GLG1: variants seen among roughly 807,000 people sequenced by gnomAD.
The protein encoded by GLG1 is Golgi apparatus protein 1.
GLG1 carries 38 observed loss-of-function variants against 160.5 expected under a neutral mutation model. That is an observed-to-expected ratio of 0.24 (90% CI 0.18 to 0.31). The LOEUF is 0.31. Among genes scored for constraint, GLG1 ranks in the 10% least tolerant of loss-of-function variants. The pLI is 1.00. For synonymous variants in GLG1, 644 were observed against 543.4 expected, an observed-to-expected ratio of 1.19 and a Z score of -2.57; for missense variants, 1,373 against 1,505.2, an observed-to-expected ratio of 0.91 and a Z score of 1.45.
At chr16:74,567,270 G>C (rs1375699740) in intron 1 of GLG1, among the ~76,000 whole-genome samples, 1 of 151,830 alleles carries the variant, frequency 6.6e-6, no homozygotes, top group South Asian at 2.1e-4. Context: ...TTGTTTTGTT[G>C]GTAGGAGGAA....
At chr16:74,481,602 T>C (rs773613901) in intron 10 of GLG1, among the ~76,000 whole-genome samples, 1 of 152,230 alleles carries the variant, frequency 6.6e-6, no homozygotes, top group South Asian at 2.1e-4. Context: ...TCTGTAGTCC[T>C]TTCCAGAGCT....
chr16:74,585,310 G>C (rs1958024008), intron 1 of GLG1, among the ~76,000 whole-genome samples: 1 of 152,162 alleles, frequency 6.6e-6, no homozygotes, highest in Non-Finnish European at 1.5e-5. Flanking sequence ...TCGGGAGACT[G>C]AGGCACGAGA....
intron 11 of GLG1, among the ~76,000 whole-genome samples, chr16:74,478,603 CT>C (rs538737283): frequency 2.0e-5 from 3 of 152,080 alleles, no homozygotes; most frequent in Non-Finnish European, 2.9e-5. Context: ...CTAAATGTCA[CT>C]GAATTTTTCT....
At chr16:74,534,250 T>G (rs1199394141) in intron 1 of GLG1, among the ~76,000 whole-genome samples, 1 of 151,982 alleles carries the variant, frequency 6.6e-6, no homozygotes, top group Non-Finnish European at 1.5e-5. Flanking sequence ...CGACCTAGCT[T>G]AACTCTGTTC....
chr16:74,547,445 T>C (rs1338565706), intron 1 of GLG1, among the ~76,000 whole-genome samples: 1 of 152,254 alleles, frequency 6.6e-6, no homozygotes, highest in South Asian at 2.1e-4. Flanking sequence ...CATCTGTGTA[T>C]TGGCTTAAGG....
intron 1 of GLG1, among the ~76,000 whole-genome samples, chr16:74,554,416 C>A (rs1282196121): frequency 1.3e-5 from 2 of 152,082 alleles, no homozygotes; most frequent in Non-Finnish European, 2.9e-5. Flanking sequence ...CGCCTGTAAC[C>A]CCAGGTACTC....
At chr16:74,592,349 G>A (rs1307406697) in intron 1 of GLG1, among the ~76,000 whole-genome samples, 1 of 152,032 alleles carries the variant, frequency 6.6e-6, no homozygotes, top group Admixed American at 6.6e-5. Context: ...CCCCCATGTT[G>A]CCCAGGCTGT....
At chr16:74,467,917 T>G (rs1197819735) in intron 17 of GLG1, 69 bp from the exon 18 acceptor site, 1 of 1,020,836 alleles carries the variant, frequency 9.8e-7, no homozygotes, top group Non-Finnish European at 1.5e-6. Flanking sequence ...TTCTGGAGAC[T>G]TATTTGTTGA....
intron 2 of GLG1, among the ~76,000 whole-genome samples, chr16:74,513,828 A>G (rs1428665340): frequency 1.3e-5 from 2 of 152,182 alleles, no homozygotes; most frequent in East Asian, 3.9e-4. Flanking sequence ...AAGGTCGGTA[A>G]TAACAAACTT....
intron 3 of GLG1, among the ~76,000 whole-genome samples, chr16:74,507,378 A>C (rs559081925): frequency 7.2e-5 from 11 of 152,318 alleles, no homozygotes; most frequent in South Asian, 2.1e-4. Context: ...ATGGGACACA[A>C]AATGGGGCAA....
rs753021725 is a variant in GLG1 at position 74,503,690 on chromosome 16, C to T, written c.615G>A (p.Val205=). ...ACTCAGTGATGTTGCCTCGGTGATC[C>T]ACCAAGCAGGAAACCATGTAACCTT... ...VGKGYMVSCL[V]DHRGNITEYQ... is the part of the protein sequence containing the mutation. Residue 205 remains valine, a synonymous_variant, in exon 4 of 26, where the codon GTG becomes GTA. Transcript: ENST00000422840. 82 of 1,613,326 alleles carry T rather than the reference C, an allele frequency of 5.1e-5. 1 individual carries two copies. The South Asian group carries it at 7.2e-4, about 14-fold the overall frequency.
chr16:74,508,332 TA>T (rs915291661), intron 3 of GLG1, among the ~76,000 whole-genome samples: 15 of 146,714 alleles, frequency 1.0e-4, no homozygotes, highest in African/African-American at 2.0e-4. Context: ...AAAAAACCGT[TA>T]AAAAAAAAAG....
intron 2 of GLG1, among the ~76,000 whole-genome samples, chr16:74,509,303 C>G (rs987018707): frequency 1.3e-5 from 2 of 149,444 alleles, no homozygotes; most frequent in Non-Finnish European, 3.0e-5. Flanking sequence ...TTTTTTAGAG[C>G]TATAAATTAA....
chr16:74,450,028 C>G lies in GLG1; in HGVS notation c.*3139G>C, dbSNP rs768516207. On this transcript the variant is annotated 3_prime_UTR_variant, in exon 26 of 26. Transcript: ENST00000422840. ...CCCCAGAGCCTCCAGCCTGGCAGTC[C>G]GGGCTCCAGGTACCTCTAGAGGGCT... is the stretch of plus-strand genomic sequence containing the variant. 1 of 152,364 alleles carries G rather than the reference C, an allele frequency of 6.6e-6. No homozygotes were observed. The highest frequency in any genetic ancestry group is 1.5e-5 in the Non-Finnish European group (1 of 68,184). 9.4% of individuals were successfully genotyped at this position (152,364 alleles called of 1,614,324 possible).
At chr16:74,544,795 C>T (rs147069534) in intron 1 of GLG1, among the ~76,000 whole-genome samples, 16 of 152,158 alleles carry the variant, frequency 1.1e-4, no homozygotes, top group African/African-American at 3.6e-4. Flanking sequence ...CCACCGCGCC[C>T]GGCCATTATT....
At chr16:74,519,946 T>C (rs376065548) in intron 2 of GLG1, among the ~76,000 whole-genome samples, 2 of 152,214 alleles carry the variant, frequency 1.3e-5, no homozygotes, top group African/African-American at 4.8e-5. Flanking sequence ...ATTCACATTA[T>C]TGACTATGTA....
rs371816999 is a variant in GLG1, at chr16:74,529,361, T to C, written c.471+2760A>G. 2.6e-5 allele frequency among the ~76,000 whole-genome samples: 4 copies of C among 152,290 alleles called. No homozygotes were observed. The South Asian group carries it at 6.2e-4, about 24-fold the overall frequency. On this transcript the variant is annotated intron_variant, in intron 2 of 25. Transcript: ENST00000422840. ...TTACATTTAGTCCAAAAATGTCTAA[T>C]TGATTTTCTTAATAAAGACTAATTC...
In GLG1 at chr16:74,480,304, A is replaced by C; in HGVS notation, c.1764T>G (p.Pro588=). ...HGWNETSEFM[P]QGAVFSCLYR... Reference sequence around the variant, plus strand: ...ATAAACAAGAGAACACAGCTCCCTGAGGCATAAATTCACTGGTCTCATTCC... The same window carrying C: ...ATAAACAAGAGAACACAGCTCCCTGCGGCATAAATTCACTGGTCTCATTCC... The change falls in exon 11 of 26, where the codon CCT becomes CCG. Residue 588 remains proline, a synonymous_variant. Transcript: ENST00000422840. The C allele has an allele frequency of 6.2e-7, 1 of 1,613,250 alleles. No individual in the cohort carries two copies. Among genetic ancestry groups the C allele is most frequent in the Non-Finnish European group, 8.5e-7 (1 of 1,179,148 alleles).
chr16:74,449,962 T>A lies in GLG1; in HGVS notation c.*3205A>T, dbSNP rs1487466710. 2.0e-5 allele frequency: 3 copies of A among 152,254 alleles called. No homozygotes were observed. The highest frequency in any genetic ancestry group is 4.4e-5 in the Non-Finnish European group (3 of 68,074). The allele number at this position is 152,254 out of a possible 1,614,324, so 9.4% of individuals were successfully genotyped here. ...GAGAAGCTCCATTGTGAACAGTTCG[T>A]CTTGTTCTTAATAGTTTGCCCAGAC... On this transcript the variant is annotated 3_prime_UTR_variant, in exon 26 of 26. Transcript: ENST00000422840.
Sources: allele counts gnomAD v4.1 joint callset (sites outside exome capture counted in the v4.1 genomes callset), GRCh38; gene constraint gnomAD v4.1.1; transcripts MANE v1.5; gene names NCBI Gene and HGNC (gene_info 2026-07-23, HGNC 2026-07-21).